The following ARL8B variants were observed in gnomAD, a reference collection of about 807,000 sequenced individuals.
ARL8B encodes the protein ADP-ribosylation factor-like protein 8B.
Under a neutral mutation model 30.6 loss-of-function variants are expected in ARL8B, and 9 were observed. That is an observed-to-expected ratio of 0.29 (90% CI 0.18 to 0.51). The LOEUF is 0.51. Among genes scored for constraint, ARL8B ranks in the 20% least tolerant of loss-of-function variants. The pLI, the probability that ARL8B is intolerant of heterozygous loss-of-function variation, is 0.97. For synonymous variants in ARL8B, 74 were observed against 76.0 expected (o/e 0.97, Z 0.14); for missense variants, 130 against 227.2 (o/e 0.57, Z 2.75).
chr3:5,166,182 G>A (rs2054622165), intron 1 of ARL8B, among the ~76,000 whole-genome samples: 5 of 151,626 alleles, frequency 3.3e-5, no homozygotes, highest in Admixed American at 3.3e-4. Flanking sequence ...TGGGATTACA[G>A]GCACGCGCCA....
At chr3:5,132,375 C>G (rs1320588426) in intron 1 of ARL8B, among the ~76,000 whole-genome samples, 4 of 152,098 alleles carry the variant, frequency 2.6e-5, no homozygotes, top group African/African-American at 9.7e-5. Flanking sequence ...CTGCCTCAGC[C>G]TCAGGCTCTC....
intron 1 of ARL8B, among the ~76,000 whole-genome samples, chr3:5,131,780 T>C (rs544722849): frequency 6.6e-6 from 1 of 152,374 alleles, no homozygotes; most frequent in East Asian, 1.9e-4. Context: ...TTTTCTACTC[T>C]TAAGTGACTG....
intron 1 of ARL8B, among the ~76,000 whole-genome samples, chr3:5,160,575 T>C (rs2054572151): frequency 6.6e-6 from 1 of 152,210 alleles, no homozygotes; most frequent in South Asian, 2.1e-4. Flanking sequence ...TAGCTCCCTT[T>C]GTATTAACAG....
chr3:5,162,267 T>C (rs758122841), intron 1 of ARL8B, among the ~76,000 whole-genome samples: 1 of 152,238 alleles, frequency 6.6e-6, no homozygotes, highest in South Asian at 2.1e-4. Context: ...ATGTCACTCA[T>C]TGACCTCAGG....
chr3:5,136,098 A>G (rs2054323497), intron 1 of ARL8B, among the ~76,000 whole-genome samples: 1 of 148,344 alleles, frequency 6.7e-6, no homozygotes, highest in Admixed American at 6.7e-5. Flanking sequence ...TATTATTATT[A>G]TTATTTTTAT....
intron 1 of ARL8B, among the ~76,000 whole-genome samples, chr3:5,159,822 T>C (rs905533473): frequency 6.6e-6 from 1 of 152,022 alleles, no homozygotes; most frequent in South Asian, 2.1e-4. Context: ...GACAAGTCTT[T>C]TTCTCATTTT....
At chr3:5,130,924 CTTTTCTTTTTTTTCT>C (rs1267771141) in intron 1 of ARL8B, among the ~76,000 whole-genome samples, 1 of 152,066 alleles carries the variant, frequency 6.6e-6, no homozygotes, top group Non-Finnish European at 1.5e-5. Context: ...TTTCTTCGCT[CTTTTCTTTTTTTTCT>C]TTTTCTTTTT....
chr3:5,174,297 T>C (rs1038830568), intron 5 of ARL8B, 47 bp from the exon 6 acceptor site: 24 of 1,305,392 alleles, frequency 1.8e-5, no homozygotes, highest in Non-Finnish European at 2.7e-5. Context: ...GTGATAAGTA[T>C]GACAGCTGTT....
Position 5,167,560 on chromosome 3 carries a change from C to T in ARL8B, c.124-2943C>T, listed in dbSNP as rs114921461. Among the ~76,000 whole-genome samples the T allele has an allele frequency of 9.9e-3, 1,502 of 152,256 alleles. 15 individuals carry two copies. Among genetic ancestry groups the T allele is most frequent in the Middle Eastern group, 0.037 (11 of 294 alleles). On this transcript the variant is annotated intron_variant, in intron 1 of 6. Transcript: ENST00000256496. Reference sequence around the variant, plus strand: ...CTTTTATTTTTCTACTCTTTCCCCCCCAAGTCAGATTAACTCATAATTATC... The same window carrying T: ...CTTTTATTTTTCTACTCTTTCCCCCTCAAGTCAGATTAACTCATAATTATC...
rs2054653820 is a variant in ARL8B at position 5,169,627 on chromosome 3, AT to A, written c.124-873del. On this transcript the variant is annotated intron_variant, in intron 1 of 6. Coordinates refer to ENST00000256496, the MANE Select transcript of ARL8B (RefSeq NM_018184.3). ...TAGGTGGTATCTCTTTGTGGGTTTG[AT>A]TTGCATTTCCCTAATGATTAGTGAG... 2.1e-5 allele frequency among the ~76,000 whole-genome samples: 3 copies of A among 145,450 alleles called. 1 individual carries two copies. The highest frequency in any genetic ancestry group is 7.1e-3 in the Middle Eastern group (2 of 280).
At chr3:5,133,147 C>T (rs1023778645) in intron 1 of ARL8B, among the ~76,000 whole-genome samples, 25 of 151,994 alleles carry the variant, frequency 1.6e-4, no homozygotes, top group African/African-American at 5.6e-4. Context: ...AAAGGCACAG[C>T]TGAGGGAAAG....
At chr3:5,166,351 T>G (rs74726708) in intron 1 of ARL8B, among the ~76,000 whole-genome samples, 13 of 66,162 alleles carry the variant, frequency 2.0e-4, no homozygotes, top group African/African-American at 1.3e-3. Flanking sequence ...ATCTTTCGTT[T>G]TTTTTTTTTT....
intron 1 of ARL8B, among the ~76,000 whole-genome samples, chr3:5,170,189 T>G (rs371802061): frequency 6.6e-6 from 1 of 152,266 alleles, no homozygotes; most frequent in Non-Finnish European, 1.5e-5. Flanking sequence ...TGTGGAAATG[T>G]ACATCTAGGT....
At chr3:5,127,345 C>T (rs983652418) in intron 1 of ARL8B, among the ~76,000 whole-genome samples, 1 of 152,170 alleles carries the variant, frequency 6.6e-6, no homozygotes, top group African/African-American at 2.4e-5. Context: ...ATCCATTAAA[C>T]ATCTTTTTTG....
chr3:5,135,767 A>G (rs2054319606), intron 1 of ARL8B, among the ~76,000 whole-genome samples: 1 of 52,584 alleles, frequency 1.9e-5, no homozygotes, highest in Non-Finnish European at 3.4e-5. Context: ...TATTATTATT[A>G]TTATTATTAT....
At chr3:5,165,687 T>A (rs1348883995) in intron 1 of ARL8B, among the ~76,000 whole-genome samples, 1 of 152,130 alleles carries the variant, frequency 6.6e-6, no homozygotes, top group Non-Finnish European at 1.5e-5. Flanking sequence ...CATGAGACAT[T>A]TGTTAAAGTA....
rs372971404 is a variant in ARL8B at position 5,122,606 on chromosome 3, C to A, written c.123+18C>A. 2 of 1,590,034 alleles carry A rather than the reference C, an allele frequency of 1.3e-6. No individual in the cohort carries two copies. The highest frequency in any genetic ancestry group is 2.7e-5 in the African/African-American group (2 of 73,730). ...TCATCGCGGTGAGCGCCCGCCCACT[C>A]ACTCGCCCGGGGCTCCGCAGCCAGG... On this transcript the variant is annotated intron_variant, in intron 1 of 6. Transcript: ENST00000256496.
intron 1 of ARL8B, among the ~76,000 whole-genome samples, chr3:5,154,387 T>G (rs2054514532): frequency 6.6e-6 from 1 of 150,808 alleles, no homozygotes; most frequent in African/African-American, 2.4e-5. Flanking sequence ...GAGGGTGGAG[T>G]GCACTGGTAC....
At chr3:5,170,778 CTG>C in intron 2 of ARL8B, 195 bp downstream of exon 2, 1 of 479,156 alleles carries the variant, frequency 2.1e-6, no homozygotes, top group South Asian at 2.4e-5. Context: ...TTCACCCAGG[CTG>C]GAGTGCAGTG....
Sources: gnomAD v4.1 joint callset for allele counts (sites outside exome capture counted in the v4.1 genomes callset) on GRCh38, gnomAD v4.1.1 for gene constraint, MANE v1.5 for transcripts, NCBI Gene and HGNC (gene_info 2026-07-23, HGNC 2026-07-21) for gene names.